LOC128706666: variants seen among roughly 807,000 people sequenced by gnomAD.
the LOC128706666 span, among the ~76,000 whole-genome samples, chr20:10,422,678 A>G: frequency 6.6e-6 from 1 of 151,434 alleles, no homozygotes; most frequent in Non-Finnish European, 1.5e-5. Context: ...TGGCACCTCT[A>G]TTCCCCTCAA....
At chr20:10,433,416 G>A in the LOC128706666 span, among the ~76,000 whole-genome samples, 1 of 152,214 alleles carries the variant, frequency 6.6e-6, no homozygotes, top group Non-Finnish European at 1.5e-5. Context: ...GACCGTGCAA[G>A]TCCCTCTTGG....
chr20:10,424,027 T>G, the LOC128706666 span, among the ~76,000 whole-genome samples: 2 of 152,214 alleles, frequency 1.3e-5, no homozygotes, highest in African/African-American at 4.8e-5. Flanking sequence ...TGACAGATAA[T>G]TCTGTTGTCC....
At chr20:10,414,368 C>A in the LOC128706666 span, among the ~76,000 whole-genome samples, 2 of 150,900 alleles carry the variant, frequency 1.3e-5, no homozygotes, top group Non-Finnish European at 2.9e-5. Flanking sequence ...TGGGTTCAAG[C>A]AATTCTCCTG....
chr20:10,432,789 CAAAAA>C, the LOC128706666 span, among the ~76,000 whole-genome samples: 3 of 74,558 alleles, frequency 4.0e-5, no homozygotes, highest in South Asian at 6.8e-4. Context: ...GACTCTTTGT[CAAAAA>C]AAAAAAAAAA....
At chr20:10,414,265 C>CTTTTTTT in the LOC128706666 span, among the ~76,000 whole-genome samples, 3 of 132,350 alleles carry the variant, frequency 2.3e-5, no homozygotes, top group African/African-American at 5.7e-5. Context: ...GTCTCTGAGT[C>CTTTTTTT]TTTTTTTTTT....
At chr20:10,432,219 G>A in the LOC128706666 span, among the ~76,000 whole-genome samples, 1 of 152,216 alleles carries the variant, frequency 6.6e-6, no homozygotes, top group East Asian at 1.9e-4. Context: ...GAGTTCCTGT[G>A]GGACTGGTGG....
chr20:10,418,459 T>G, the LOC128706666 span, among the ~76,000 whole-genome samples: 1 of 152,206 alleles, frequency 6.6e-6, no homozygotes, highest in Non-Finnish European at 1.5e-5. Context: ...TGCATTCTTT[T>G]GATGTACTTC....
At chr20:10,425,312 C>G in the LOC128706666 span, among the ~76,000 whole-genome samples, 1 of 152,254 alleles carries the variant, frequency 6.6e-6, no homozygotes, top group South Asian at 2.1e-4. Flanking sequence ...TTTGACCAAT[C>G]TGTGATTGAA....
the LOC128706666 span, among the ~76,000 whole-genome samples, chr20:10,422,070 T>C: frequency 0.14 from 21,761 of 152,082 alleles, 1,750 homozygotes; most frequent in East Asian, 0.24. Context: ...CAAAACACAA[T>C]AGTACTGAGT....
the LOC128706666 span, among the ~76,000 whole-genome samples, chr20:10,415,802 C>A: frequency 1.3e-5 from 2 of 152,204 alleles, no homozygotes; most frequent in Non-Finnish European, 2.9e-5. Flanking sequence ...GCCATGTTGG[C>A]ACCTCTGTCA....
the LOC128706666 span, among the ~76,000 whole-genome samples, chr20:10,423,985 T>C: frequency 6.7e-6 from 1 of 148,284 alleles, no homozygotes; most frequent in Non-Finnish European, 1.5e-5. Context: ...TTGATTTGGC[T>C]AATGGGGGTG....
chr20:10,427,093 G>A, the LOC128706666 span, among the ~76,000 whole-genome samples: 4 of 124,400 alleles, frequency 3.2e-5, no homozygotes, highest in African/African-American at 1.2e-4. Context: ...GTAAGGTTAA[G>A]GGCAAAAAGG....
the LOC128706666 span, among the ~76,000 whole-genome samples, chr20:10,432,653 G>T: frequency 6.6e-6 from 1 of 152,066 alleles, no homozygotes; most frequent in East Asian, 1.9e-4. Flanking sequence ...AATTAGCCAG[G>T]TGCAGTGGCG....
At chr20:10,428,485 C>G in the LOC128706666 span, among the ~76,000 whole-genome samples, 1 of 152,196 alleles carries the variant, frequency 6.6e-6, no homozygotes, top group Non-Finnish European at 1.5e-5. Flanking sequence ...GACATTATAG[C>G]TCTTTAGGTA....
chr20:10,424,619 T>C, the LOC128706666 span, among the ~76,000 whole-genome samples: 3 of 152,226 alleles, frequency 2.0e-5, no homozygotes, highest in African/African-American at 7.2e-5. Context: ...ATATTTGATA[T>C]GGTAGTTAGC....
the LOC128706666 span, chr20:10,413,751 T>G: frequency 1.7e-6 from 1 of 594,434 alleles, no homozygotes; most frequent in Non-Finnish European, 3.0e-6. Flanking sequence ...TTCAATACTC[T>G]TTTGTTTGCT....
the LOC128706666 span, among the ~76,000 whole-genome samples, chr20:10,419,897 G>T: frequency 6.6e-6 from 1 of 152,180 alleles, no homozygotes; most frequent in Non-Finnish European, 1.5e-5. Flanking sequence ...TTGACTGCAG[G>T]TAACTGAAAC....
At chr20:10,426,523 C>T in the LOC128706666 span, among the ~76,000 whole-genome samples, 1 of 152,226 alleles carries the variant, frequency 6.6e-6, no homozygotes, top group African/African-American at 2.4e-5. Context: ...CCTCAGCCTC[C>T]CAGGTAGCTG....
chr20:10,420,372 G>C, the LOC128706666 span, among the ~76,000 whole-genome samples: 4 of 152,124 alleles, frequency 2.6e-5, no homozygotes, highest in African/African-American at 9.7e-5. Flanking sequence ...AACTTTTCTA[G>C]AAACAACTGC....
Sources: allele counts gnomAD v4.1 joint callset (sites outside exome capture counted in the v4.1 genomes callset), GRCh38; gene constraint gnomAD v4.1.1; transcripts MANE v1.5.